L3MBTL3: variants seen among roughly 807,000 people sequenced by gnomAD.
L3MBTL3 encodes the protein L3MBTL histone methyl-lysine binding protein 3.
Under a neutral mutation model 102.3 loss-of-function variants are expected in L3MBTL3, and 27 were observed. The ratio of observed to expected loss-of-function variants is 0.26; its 90% CI spans 0.19 to 0.36. The LOEUF (loss-of-function observed/expected upper bound fraction) is 0.36. Ranked by LOEUF, L3MBTL3 falls within the 10% of genes least tolerant of loss-of-function variation. The pLI is 1.00. For synonymous variants in L3MBTL3, 340 were observed against 320.9 expected (o/e 1.06, Z -0.64); for missense variants, 798 against 955.3 (o/e 0.84, Z 2.17).
Position 130,052,984 on chromosome 6 carries a change from A to G in L3MBTL3, c.575A>G (p.Asp192Gly). The G allele has an allele frequency of 6.2e-7, 1 of 1,613,130 alleles. No homozygotes were observed. The change falls in exon 7 of 23, where the codon GAT becomes GGT. Residue 192 changes from aspartate to glycine, a missense_variant. By Grantham distance (94) the Asp-to-Gly change is moderately conservative. Around this residue, in one of 4 missense-constraint regions of L3MBTL3, gnomAD observed 434 missense variants for 506.6 expected, o/e 0.86. Coordinates refer to ENST00000361794, the MANE Select transcript of L3MBTL3 (RefSeq NM_032438.4). ...AAGGAGGATGGAGAAGAGAGAGATG[A>G]TGAAATGGTGAGTGCCTCTGCCTGA... is the stretch of plus-strand genomic sequence containing the variant. Reference protein sequence around the residue: ...DTKEDGEERDDEMENKQDVRI... With the variant: ...DTKEDGEERDGEMENKQDVRI...
chr6:130,139,102 A>C (rs907076263), intron 22 of L3MBTL3, among the ~76,000 whole-genome samples: 1 of 150,302 alleles, frequency 6.7e-6, no homozygotes, highest in East Asian at 1.9e-4. Flanking sequence ...GTAAAGACTT[A>C]ACTGTGGCCA....
chr6:130,029,259 C>A (rs562600654), intron 2 of L3MBTL3, among the ~76,000 whole-genome samples: 2 of 152,184 alleles, frequency 1.3e-5, no homozygotes, highest in Non-Finnish European at 2.9e-5. Flanking sequence ...TATAGAGAAA[C>A]ACTCCCACTG....
At position 130,071,223 on chromosome 6, in the gene L3MBTL3, A is replaced by C; in HGVS notation, c.1244+96A>C. 4 of 1,115,280 alleles carry C rather than the reference A, an allele frequency of 3.6e-6. No individual in the cohort carries two copies. The South Asian group carries it at 6.8e-5, about 19-fold the overall frequency. The allele number at this position is 1,115,280 out of a possible 1,614,324, so 69.1% of individuals were successfully genotyped here. Reference sequence around the variant, plus strand: ...TAGTGCAACGCTTATAACAAAAAAAAGCAGTGTTCTGCCCCACTTTTTCCT... The same window carrying C: ...TAGTGCAACGCTTATAACAAAAAAACGCAGTGTTCTGCCCCACTTTTTCCT... On this transcript the variant is annotated intron_variant, in intron 13 of 22. Coordinates refer to ENST00000361794, the MANE Select transcript of L3MBTL3 (RefSeq NM_032438.4).
chr6:130,135,233 TTTG>T (rs1787517065), intron 22 of L3MBTL3, among the ~76,000 whole-genome samples: 1 of 151,996 alleles, frequency 6.6e-6, no homozygotes, highest in Non-Finnish European at 1.5e-5. Flanking sequence ...GCTAATTTTT[TTTG>T]TATTTTTAGT....
In L3MBTL3 at chr6:130,083,699, C is replaced by T; in HGVS notation, c.1401C>T (p.Phe467=). 1 of 1,505,438 alleles carries T rather than the reference C, an allele frequency of 6.6e-7. No individual in the cohort carries two copies. The highest frequency in any genetic ancestry group is 9.1e-7 in the Non-Finnish European group (1 of 1,104,314). 93.3% of individuals were successfully genotyped at this position (1,505,438 alleles called of 1,614,324 possible). The change falls in exon 15 of 23, where the codon TTC becomes TTT. Residue 467 remains phenylalanine, a synonymous_variant. Transcript: ENST00000361794. ...TNSLPAPARA[F]KVKPPHGFQK... is the part of the protein sequence containing the mutation. ...CTTTACCTGCTCCTGCAAGAGCTTTCAAAGTGGTAAGATGATACATTTTAT... is the reference window on the plus strand; with the variant it reads ...CTTTACCTGCTCCTGCAAGAGCTTTTAAAGTGGTAAGATGATACATTTTAT...
At chr6:130,098,863 C>CTTT (rs11332477) in intron 18 of L3MBTL3, among the ~76,000 whole-genome samples, 52 of 118,510 alleles carry the variant, frequency 4.4e-4, no homozygotes, top group Admixed American at 2.6e-3. Flanking sequence ...GTGTGTTTTT[C>CTTT]TTTTTTTTTT....
chr6:130,026,403 G>A (rs928508365), intron 2 of L3MBTL3, among the ~76,000 whole-genome samples: 13 of 152,060 alleles, frequency 8.5e-5, no homozygotes, highest in African/African-American at 3.1e-4. Context: ...AATGATACTG[G>A]CATATGATTG....
intron 20 of L3MBTL3, among the ~76,000 whole-genome samples, chr6:130,123,312 C>T (rs1786368955): frequency 6.6e-6 from 1 of 151,940 alleles, no homozygotes; most frequent in Non-Finnish European, 1.5e-5. Flanking sequence ...GGAACCATTG[C>T]TAGGAGTCAT....
chr6:130,126,799 A>C (rs1370574531), intron 20 of L3MBTL3, among the ~76,000 whole-genome samples: 1 of 152,136 alleles, frequency 6.6e-6, no homozygotes, highest in Non-Finnish European at 1.5e-5. Flanking sequence ...CACTGAGATG[A>C]CTGACAATAG....
chr6:130,029,692 G>T (rs1270773453), intron 2 of L3MBTL3, among the ~76,000 whole-genome samples: 1 of 152,074 alleles, frequency 6.6e-6, no homozygotes, highest in Non-Finnish European at 1.5e-5. Flanking sequence ...AAATTAAATA[G>T]GCCTTTTTTG....
At chr6:130,040,331 C>CA (rs200580576) in intron 2 of L3MBTL3, among the ~76,000 whole-genome samples, 4,443 of 100,490 alleles carry the variant, frequency 0.044, 101 homozygotes, top group East Asian at 0.088. Context: ...AACTCTGTCT[C>CA]AAAAAAAAAA....
chr6:130,092,916 A>AG, intron 17 of L3MBTL3, 57 bp downstream of exon 17: 3 of 1,079,152 alleles, frequency 2.8e-6, no homozygotes, highest in Non-Finnish European at 4.3e-6. Context: ...AGCATTCTTA[A>AG]GATTTCATCC....
intron 10 of L3MBTL3, among the ~76,000 whole-genome samples, chr6:130,060,703 T>A (rs1421765195): frequency 1.9e-5 from 2 of 107,716 alleles, no homozygotes; most frequent in Admixed American, 1.8e-4. Flanking sequence ...CAGATACTTA[T>A]TTTTTTTTTT....
At chr6:130,124,090 C>G (rs1175219061) in intron 20 of L3MBTL3, among the ~76,000 whole-genome samples, 1 of 152,188 alleles carries the variant, frequency 6.6e-6, no homozygotes, top group African/African-American at 2.4e-5. Flanking sequence ...GGCCTTAGCC[C>G]ATCCCACAAG....
At chr6:130,109,672 T>C (rs975464944) in intron 19 of L3MBTL3, among the ~76,000 whole-genome samples, 1 of 152,234 alleles carries the variant, frequency 6.6e-6, no homozygotes, top group African/African-American at 2.4e-5. Context: ...CTTACTCTGA[T>C]GATAGTTTCT....
intron 4 of L3MBTL3, 160 bp from the exon 5 acceptor site, chr6:130,049,596 G>C: frequency 1.2e-6 from 1 of 810,274 alleles, no homozygotes. Flanking sequence ...TTGTCCTAAT[G>C]CCAGATCTGT....
At chr6:130,118,815 C>T (rs770093359) in intron 19 of L3MBTL3, among the ~76,000 whole-genome samples, 7 of 152,136 alleles carry the variant, frequency 4.6e-5, no homozygotes, top group Non-Finnish European at 7.4e-5. Context: ...TTCTGCTTCT[C>T]TTTTGGGATA....
At chr6:130,095,036 G>A (rs1784282671) in intron 18 of L3MBTL3, among the ~76,000 whole-genome samples, 1 of 152,080 alleles carries the variant, frequency 6.6e-6, no homozygotes. Context: ...GCAAGATCCT[G>A]TCTTTTAAAA....
At chr6:130,091,572 C>G (rs1200879729) in intron 16 of L3MBTL3, among the ~76,000 whole-genome samples, 1 of 152,026 alleles carries the variant, frequency 6.6e-6, no homozygotes, top group Non-Finnish European at 1.5e-5. Flanking sequence ...TAAGACATAT[C>G]TTTTCACACT....
Sources: gnomAD v4.1 joint callset for allele counts (sites outside exome capture counted in the v4.1 genomes callset) on GRCh38, gnomAD v4.1.1 for gene constraint, gnomAD v4.1.1 regional missense constraint, MANE v1.5 for transcripts, NCBI Gene and HGNC (gene_info 2026-07-23, HGNC 2026-07-21) for gene names.